The following HFM1 variants were observed in gnomAD, a reference collection of about 807,000 sequenced individuals.
The protein encoded by HFM1 is probable ATP-dependent DNA helicase HFM1.
HFM1 carries 169 observed loss-of-function variants against 192.1 expected under a neutral mutation model. That is an observed-to-expected ratio of 0.88 (90% CI 0.78 to 1.00). HFM1 has a LOEUF of 1.00. HFM1 is among the 50% of genes least tolerant of loss of function. The pLI, the probability that HFM1 is intolerant of heterozygous loss-of-function variation, is 0.00. For synonymous variants in HFM1, 525 were observed against 537.8 expected, an observed-to-expected ratio of 0.98 and a Z score of 0.33; for missense variants, 1,661 against 1,668.0, an observed-to-expected ratio of 1.00 and a Z score of 0.07.
At chr1:91,380,526 G>C (rs1045427331) in intron 7 of HFM1, among the ~76,000 whole-genome samples, 2 of 152,092 alleles carry the variant, frequency 1.3e-5, no homozygotes, top group African/African-American at 4.8e-5. Flanking sequence ...AGCCAAGGAA[G>C]GCAGATCACT....
intron 20 of HFM1, among the ~76,000 whole-genome samples, 191 bp downstream of exon 20, chr1:91,343,230 CAAAAAAAAA>C (rs34902756): frequency 2.7e-5 from 2 of 74,912 alleles, no homozygotes; most frequent in Non-Finnish European, 4.7e-5. Flanking sequence ...GACTCTGTCT[CAAAAAAAAA>C]AAAAAAAAAA....
At chr1:91,352,447 A>C (rs1657068692) in intron 16 of HFM1, 59 bp downstream of exon 16, 2 of 1,301,860 alleles carry the variant, frequency 1.5e-6, no homozygotes, top group African/African-American at 1.5e-5. Context: ...CAAAAAATAC[A>C]CAATTTTTTT....
rs1657209327 is a variant in HFM1 at position 91,353,263 on chromosome 1, T to C, written c.1722A>G (p.Lys574=). 1 of 1,586,398 alleles carries C rather than the reference T, an allele frequency of 6.3e-7. No individual in the cohort carries two copies. Among genetic ancestry groups the C allele is most frequent in the East Asian group, 2.2e-5 (1 of 44,598 alleles). Residue 574 remains lysine (K), a synonymous_variant, in exon 14 of 39, where the codon AAA becomes AAG. Coordinates refer to ENST00000370425, the MANE Select transcript of HFM1 (RefSeq NM_001017975.6). The stretch of plus-strand genomic sequence containing the variant: ...AATTATCTCTAAACCTACCTCTCAG[T>C]TTTGAATCTCTTACGGAATATGCAT... ...QKYAYSVRDS[K]LRDILKDGAA...
intron 30 of HFM1, among the ~76,000 whole-genome samples, chr1:91,280,202 G>A (rs765000949): frequency 1.1e-4 from 16 of 152,154 alleles, no homozygotes; most frequent in Admixed American, 2.0e-4. Context: ...GGTCAGGAAC[G>A]TTGGGCTGAG....
At position 91,352,525 on chromosome 1, in the gene HFM1, C is replaced by A; in HGVS notation, c.1958G>T (p.Gly653Val). 6.2e-7 allele frequency: 1 copy of A among 1,600,690 alleles called. No homozygotes were observed. The highest frequency in any genetic ancestry group is 8.5e-7 in the Non-Finnish European group (1 of 1,174,454). The change falls in exon 16 of 39, where the codon GGT becomes GTT. Residue 653 changes from glycine (G) to valine (V), a missense_variant. By Grantham distance (109) the Gly-to-Val change is moderately radical. Transcript: ENST00000370425. ...ACTTACTTGAGGTCGACCAGCTCTA[C>A]CAATCATCTGTAGAATATCTGTTTC... ...YSETDILQMI[G>V]RAGRPQFDTT...
intron 35 of HFM1, 51 bp from the exon 36 acceptor site, chr1:91,266,158 G>A: frequency 6.8e-7 from 1 of 1,460,276 alleles, no homozygotes. Flanking sequence ...ACAGCTGAAT[G>A]AAGCTTTTCA....
At chr1:91,286,506 G>A (rs994009252) in intron 30 of HFM1, among the ~76,000 whole-genome samples, 2 of 152,046 alleles carry the variant, frequency 1.3e-5, no homozygotes, top group Non-Finnish European at 2.9e-5. Context: ...TTCTTATGGA[G>A]TTTTCTTGGT....
intron 30 of HFM1, among the ~76,000 whole-genome samples, chr1:91,291,004 G>C (rs553088484): frequency 6.6e-6 from 1 of 152,052 alleles, no homozygotes; most frequent in Non-Finnish European, 1.5e-5. Flanking sequence ...TGAAACCAAC[G>C]AGAACGAAGA....
intron 6 of HFM1, among the ~76,000 whole-genome samples, chr1:91,383,007 T>C (rs1359870008): frequency 6.6e-6 from 1 of 152,200 alleles, no homozygotes; most frequent in Admixed American, 6.6e-5. Context: ...AAATAAGGTG[T>C]GTCCAAGTAA....
chr1:91,347,386 TAA>T, intron 19 of HFM1, 41 bp downstream of exon 19: 1 of 1,173,912 alleles, frequency 8.5e-7, no homozygotes, highest in South Asian at 1.6e-5. Flanking sequence ...ACTTTTTCAC[TAA>T]AATATATAGA....
At chr1:91,337,415 C>T (rs909511804) in intron 20 of HFM1, among the ~76,000 whole-genome samples, 1 of 151,668 alleles carries the variant, frequency 6.6e-6, no homozygotes, top group South Asian at 2.1e-4. Flanking sequence ...AACTGATATA[C>T]AAAAAATAAA....
chr1:91,276,128 A>G (rs554813569), intron 32 of HFM1, among the ~76,000 whole-genome samples: 8 of 152,226 alleles, frequency 5.3e-5, no homozygotes, highest in Admixed American at 1.3e-4. Flanking sequence ...TGGAATATTT[A>G]GCTATCCCTT....
At chr1:91,322,158 A>G (rs1395410658) in intron 23 of HFM1, among the ~76,000 whole-genome samples, 1 of 152,222 alleles carries the variant, frequency 6.6e-6, no homozygotes, top group Non-Finnish European at 1.5e-5. Flanking sequence ...TCTGTGGTAC[A>G]AGCTACAAAT....
intron 13 of HFM1, among the ~76,000 whole-genome samples, chr1:91,363,524 C>CAA (rs140616807): frequency 0.02 from 2,383 of 118,124 alleles, 40 homozygotes; most frequent in South Asian, 0.051. Context: ...ACTAAAAAGT[C>CAA]AAAAAAAAAA....
At chr1:91,294,373 T>A (rs1019214717) in intron 30 of HFM1, among the ~76,000 whole-genome samples, 1 of 152,174 alleles carries the variant, frequency 6.6e-6, no homozygotes, top group Admixed American at 6.5e-5. Flanking sequence ...CATGGACTCA[T>A]ACAGTATTAC....
At chr1:91,319,450 G>C (rs1489628569) in intron 23 of HFM1, 60 bp from the exon 24 acceptor site, 10 of 1,029,614 alleles carry the variant, frequency 9.7e-6, no homozygotes, top group Non-Finnish European at 1.5e-5. Flanking sequence ...CCCAGTATTT[G>C]ATATCACTCA....
At chr1:91,358,211 G>T (rs1220366835) in intron 13 of HFM1, among the ~76,000 whole-genome samples, 1 of 152,042 alleles carries the variant, frequency 6.6e-6, no homozygotes, top group East Asian at 1.9e-4. Context: ...GTGAACCTGG[G>T]AGGCGGACCT....
At chr1:91,292,753 T>C (rs1199087949) in intron 30 of HFM1, among the ~76,000 whole-genome samples, 1 of 152,168 alleles carries the variant, frequency 6.6e-6, no homozygotes, top group East Asian at 1.9e-4. Flanking sequence ...AAGTCAATCC[T>C]AAGCCAAAAG....
At chr1:91,324,120 G>A (rs1490307096) in intron 21 of HFM1, among the ~76,000 whole-genome samples, 3 of 152,134 alleles carry the variant, frequency 2.0e-5, no homozygotes, top group Non-Finnish European at 4.4e-5. Flanking sequence ...CTGCAAAGTT[G>A]CCCCATTGTT....
Sources: gnomAD v4.1 joint callset for allele counts (sites outside exome capture counted in the v4.1 genomes callset) on GRCh38, gnomAD v4.1.1 for gene constraint, MANE v1.5 for transcripts, NCBI Gene and HGNC (gene_info 2026-07-23, HGNC 2026-07-21) for gene names.